Variants in BRCA2 observed in about 807,000 individuals in gnomAD.
BRCA2 encodes the protein breast cancer type 2 susceptibility protein.
BRCA2 carries 203 observed loss-of-function variants against 276.7 expected under a neutral mutation model. The ratio of observed to expected loss-of-function variants is 0.73; its 90% confidence interval spans 0.65 to 0.82. BRCA2 has a LOEUF of 0.82. BRCA2 is among the 40% of genes least tolerant of loss of function. The probability of loss-of-function intolerance (pLI) is 0.00; values close to 1 mark genes in which losing one functional copy is unlikely to be tolerated. For synonymous variants in BRCA2, 1,289 were observed against 1,338.4 expected (o/e 0.96, Z 0.81); for missense variants, 3,920 against 3,915.0 (o/e 1.00, Z -0.03).
chr13:32,332,663 G>T lies in BRCA2; in HGVS notation c.1185G>T (p.Trp395Cys), dbSNP rs886039315. 1.2e-6 allele frequency: 2 copies of T among 1,613,938 alleles called. No homozygotes were observed. Among genetic ancestry groups the T allele is most frequent in the Non-Finnish European group, 1.7e-6 (2 of 1,179,980 alleles). ...KEVVPSLACE[W>C]SQLTLSGLNG... ...TTGTACCGTCTTTGGCCTGTGAATG[G>T]TCTCAACTAACCCTTTCAGGTCTAA... is the stretch of plus-strand genomic sequence containing the variant. Residue 395 changes from tryptophan (W) to cysteine (C), a missense_variant, in exon 10 of 27, where the codon TGG becomes TGT. Trp to Cys is a radical substitution (Grantham distance 215, BLOSUM62 -2). Around this residue, in one of 2 missense-constraint regions of BRCA2, gnomAD observed 3,263 missense variants for 3,156.9 expected, o/e 1.03. Coordinates refer to ENST00000380152, the MANE Select transcript of BRCA2 (RefSeq NM_000059.4).
rs752207703 is a variant in BRCA2 at position 32,325,153 on chromosome 13, T to C, written c.394T>C (p.Cys132Arg). Residue 132 changes from cysteine (C) to arginine (R), a missense_variant, in exon 4 of 27, where the codon TGT (cysteine) becomes CGT (arginine). Cys to Arg is a radical substitution (Grantham distance 180, BLOSUM62 -3). Transcript: ENST00000380152. ...AATGGATCAAGCAGATGATGTTTCC[T>C]GTCCACTTCTAAATTCTTGTCTTAG... is the stretch of plus-strand genomic sequence containing the variant. Reference protein sequence around the residue: ...TKMDQADDVSCPLLNSCLSES... With the variant: ...TKMDQADDVSRPLLNSCLSES... 1 of 1,603,004 alleles carries C rather than the reference T, an allele frequency of 6.2e-7. No homozygotes were observed. Among genetic ancestry groups the C allele is most frequent in the Non-Finnish European group, 8.5e-7 (1 of 1,170,160 alleles).
chr13:32,327,229 C>T (rs747035896), intron 7 of BRCA2, among the ~76,000 whole-genome samples: 2 of 152,196 alleles, frequency 1.3e-5, no homozygotes, highest in African/African-American at 2.4e-5. Context: ...GGGTGGATCA[C>T]GTGAGGCCAG....
chr13:32,378,371 T>A (rs898776607), intron 21 of BRCA2, among the ~76,000 whole-genome samples: 5 of 152,234 alleles, frequency 3.3e-5, no homozygotes, highest in Non-Finnish European at 7.3e-5. Context: ...TTATTAAAGT[T>A]ATCTTTGTAA....
chr13:32,361,079 C>T (rs1276318304), intron 16 of BRCA2, among the ~76,000 whole-genome samples: 2 of 152,052 alleles, frequency 1.3e-5, no homozygotes, highest in Non-Finnish European at 2.9e-5. Context: ...AGTCTATACA[C>T]AGGTAAAGTA....
rs276174898 is a variant in BRCA2, at chr13:32,362,658, A to G, written c.7941A>G (p.Leu2647=). The G allele has an allele frequency of 3.7e-6, 6 of 1,614,100 alleles. No individual in the cohort carries two copies. Among genetic ancestry groups the G allele is most frequent in the Non-Finnish European group, 5.1e-6 (6 of 1,180,038 alleles). ...AFPKEFANRC[L]SPERVLLQLK... is the part of the protein sequence containing the mutation. ...CTAAGGAATTTGCTAATAGATGCCT[A>G]AGCCCAGAAAGGGTGCTTCTTCAAC... is the stretch of plus-strand genomic sequence containing the variant. Residue 2647 remains leucine, a synonymous_variant, in exon 17 of 27, where the codon CTA becomes CTG. Coordinates refer to ENST00000380152, the MANE Select transcript of BRCA2 (RefSeq NM_000059.4).
rs1300572900 is a variant in BRCA2 at position 32,333,484 on chromosome 13, T to C, written c.1909+97T>C. On this transcript the variant is annotated intron_variant, in intron 10 of 26. Transcript: ENST00000380152. ...TCTGCTTTTTAAAATCTTCATATCT[T>C]ATATTTAATCTTAGGCATCATCTGT... 5 of 1,325,264 alleles carry C rather than the reference T, an allele frequency of 3.8e-6. No individual in the cohort carries two copies. The African/African-American group carries it at 7.9e-5, about 21-fold the overall frequency. The allele number at this position is 1,325,264 out of a possible 1,614,324, so 82.1% of individuals were successfully genotyped here.
At position 32,337,279 on chromosome 13, in the gene BRCA2, TCTC is replaced by T. The variant is rs80359363; in HGVS notation, c.2927_2929del (p.Ser976del). The T allele has an allele frequency of 8.7e-6, 14 of 1,611,980 alleles. No individual in the cohort carries two copies. Among genetic ancestry groups the T allele is most frequent in the Admixed American group, 1.7e-5 (1 of 59,624 alleles). On this transcript the variant is annotated inframe_deletion, in exon 11 of 27. Transcript: ENST00000380152. Reference sequence around the variant, plus strand: ...CTAGGTCAAGATTTAAAATCGGACATCTCCTTGAATATAGATAAAATACCAGAA... The same window carrying T: ...CTAGGTCAAGATTTAAAATCGGACATCTTGAATATAGATAAAATACCAGAA...
chr13:32,365,721 C>CTTTTTTTTTTTTTTTTTTTTTTAATTTT (rs36116910), intron 18 of BRCA2, among the ~76,000 whole-genome samples: 1 of 105,882 alleles, frequency 9.4e-6, no homozygotes, highest in Non-Finnish European at 1.9e-5. Context: ...ACTTTGGTGT[C>CTTTTTTTTTTTTTTTTTTTTTTAATTTT]TTTTTTTTTT....
rs756463217 is a variant in BRCA2, at chr13:32,339,580, A to T, written c.5225A>T (p.Asn1742Ile). 2.4e-5 allele frequency: 38 copies of T among 1,609,984 alleles called. No individual in the cohort carries two copies. The highest frequency in any genetic ancestry group is 3.1e-5 in the Non-Finnish European group (36 of 1,177,156). ...GAAAAACAAGATACTTATTTAAGTA[A>T]CAGTAGCATGTCTAACAGCTATTCC... The part of the protein sequence containing the change: ...LSEKQDTYLS[N>I]SSMSNSYSYH... The change falls in exon 11 of 27, where the codon AAC (asparagine) becomes ATC (isoleucine). Residue 1742 changes from asparagine (N) to isoleucine (I), a missense_variant. Coordinates refer to ENST00000380152, the MANE Select transcript of BRCA2 (RefSeq NM_000059.4).
intron 24 of BRCA2, among the ~76,000 whole-genome samples, chr13:32,383,434 G>T (rs1236307945): frequency 1.3e-5 from 2 of 152,172 alleles, no homozygotes; most frequent in Non-Finnish European, 2.9e-5. Flanking sequence ...AAGTGGTAGA[G>T]TAAATGGACT....
chr13:32,396,732 G>A (rs2073038954), intron 25 of BRCA2, 166 bp from the exon 26 acceptor site: 2 of 787,200 alleles, frequency 2.5e-6, no homozygotes, highest in Non-Finnish European at 4.1e-6. Flanking sequence ...ACTGATACTG[G>A]TTTTGTAATT....
At chr13:32,356,236 T>TA (rs1037206356) in intron 14 of BRCA2, among the ~76,000 whole-genome samples, 192 bp from the exon 15 acceptor site, 13 of 148,490 alleles carry the variant, frequency 8.8e-5, no homozygotes, top group South Asian at 2.1e-4. Context: ...CTTTTATATA[T>TA]TTTTTTTTTG....
chr13:32,376,776 C>G lies in BRCA2; in HGVS notation c.8739C>G (p.Asp2913Glu), dbSNP rs786201996. 1.2e-5 allele frequency: 19 copies of G among 1,613,940 alleles called. No homozygotes were observed. The highest frequency in any genetic ancestry group is 1.6e-5 in the Non-Finnish European group (19 of 1,180,008). Residue 2913 changes from aspartate to glutamate, a missense_variant, in exon 21 of 27, where the codon GAC (aspartate) becomes GAG (glutamate). Physicochemically the swap from Asp to Glu is conservative, Grantham distance 45. Coordinates refer to ENST00000380152, the MANE Select transcript of BRCA2 (RefSeq NM_000059.4). ...ATGAAGCAGTGAAGAATGCAGCAGA[C>G]CCAGCTTACCTTGAGGTGAGAGAGT... ...ELYEAVKNAA[D>E]PAYLEGYFSE... is the part of the protein sequence containing the mutation.
chr13:32,366,215 G>A (rs755945069), intron 18 of BRCA2, among the ~76,000 whole-genome samples: 1 of 152,052 alleles, frequency 6.6e-6, no homozygotes, highest in Non-Finnish European at 1.5e-5. Context: ...TGTCCCTAGT[G>A]GTATATACCC....
At position 32,339,240 on chromosome 13, in the gene BRCA2, A is replaced by G. The variant is rs879255455; in HGVS notation, c.4885A>G (p.Thr1629Ala). 9 of 1,613,196 alleles carry G rather than the reference A, an allele frequency of 5.6e-6. No homozygotes were observed. The highest frequency in any genetic ancestry group is 7.6e-6 in the Non-Finnish European group (9 of 1,179,572). ...NLCRQTENLKTSKSIFLKVKV... is the reference protein window; with the variant it reads ...NLCRQTENLKASKSIFLKVKV... Reference sequence around the variant, plus strand: ...ATGTAGACAAACTGAAAATCTCAAAACATCAAAAAGTATCTTTTTGAAAGT... The same window carrying G: ...ATGTAGACAAACTGAAAATCTCAAAGCATCAAAAAGTATCTTTTTGAAAGT... Residue 1629 changes from threonine to alanine, a missense_variant, in exon 11 of 27, where the codon ACA becomes GCA. Transcript: ENST00000380152.
At chr13:32,356,710 T>A in intron 15 of BRCA2, 101 bp downstream of exon 15, 1 of 1,334,296 alleles carries the variant, frequency 7.5e-7, no homozygotes, top group Admixed American at 1.8e-5. Context: ...ATGAACACAT[T>A]AGTGCAGGAA....
At position 32,396,926 on chromosome 13, in the gene BRCA2, A is replaced by G. The variant is rs876658365; in HGVS notation, c.9530A>G (p.Glu3177Gly). 2 of 1,614,166 alleles carry G rather than the reference A, an allele frequency of 1.2e-6. No individual in the cohort carries two copies. The highest frequency in any genetic ancestry group is 3.3e-5 in the Admixed American group (2 of 60,020). Residue 3177 changes from glutamate to glycine, a missense_variant, in exon 26 of 27, where the codon GAA becomes GGA. Transcript: ENST00000380152. ...ATTGACATACTTTGCAATGAAGCAG[A>G]AAACAAGCTTATGCATATACTGCAT... ...ENIDILCNEA[E>G]NKLMHILHAN...
At position 32,332,438 on chromosome 13, in the gene BRCA2, A is replaced by G. The variant is rs890456700; in HGVS notation, c.960A>G (p.Leu320=). ...LCFSKCRTKN[L]QKVRTSKTRK... The stretch of plus-strand genomic sequence containing the variant: ...TTTCTAAATGTAGAACAAAAAATCT[A>G]CAAAAAGTAAGAACTAGCAAGACTA... The change falls in exon 10 of 27, where the codon CTA becomes CTG. Residue 320 remains leucine, a synonymous_variant. Coordinates refer to ENST00000380152, the MANE Select transcript of BRCA2 (RefSeq NM_000059.4). 1.3e-6 allele frequency: 2 copies of G among 1,588,764 alleles called. No individual in the cohort carries two copies. The highest frequency in any genetic ancestry group is 1.7e-6 in the Non-Finnish European group (2 of 1,171,570).
chr13:32,359,470 A>C (rs1052335328), intron 16 of BRCA2, among the ~76,000 whole-genome samples: 2 of 152,172 alleles, frequency 1.3e-5, no homozygotes, highest in Non-Finnish European at 2.9e-5. Flanking sequence ...GTTTTTACAG[A>C]AACATAATTT....
Sources: allele counts gnomAD v4.1 joint callset (sites outside exome capture counted in the v4.1 genomes callset), GRCh38; gene constraint gnomAD v4.1.1; regional missense constraint gnomAD v4.1.1; transcripts MANE v1.5; gene names NCBI Gene and HGNC (gene_info 2026-07-23, HGNC 2026-07-21).